SLC9C2: variants seen among roughly 807,000 people sequenced by gnomAD.
SLC9C2 encodes solute carrier family 9 member C2 (putative).
SLC9C2 carries 75 observed loss-of-function variants against 140.2 expected under a neutral mutation model. The ratio of observed to expected loss-of-function variants is 0.53; its 90% CI spans 0.44 to 0.65. The LOEUF (loss-of-function observed/expected upper bound fraction) is 0.65, where lower values mean the gene tolerates loss of function less well. Among genes scored for constraint, SLC9C2 ranks in the 30% least tolerant of loss-of-function variants. SLC9C2 has a pLI of 0.00. For synonymous variants in SLC9C2, 375 were observed against 420.9 expected, an observed-to-expected ratio of 0.89 and a Z score of 1.34; for missense variants, 1,074 against 1,331.8, an observed-to-expected ratio of 0.81 and a Z score of 3.01.
At chr1:173,559,380 G>C (rs550751362) in intron 9 of SLC9C2, among the ~76,000 whole-genome samples, 1 of 152,352 alleles carries the variant, frequency 6.6e-6, no homozygotes, top group East Asian at 1.9e-4. Flanking sequence ...TATTGATTTA[G>C]GTGTTTTGTG....
intron 14 of SLC9C2, 65 bp downstream of exon 14, chr1:173,536,872 CATTTT>C: frequency 9.3e-7 from 1 of 1,076,932 alleles, no homozygotes; most frequent in Admixed American, 1.8e-5. Context: ...ATTTAATTCT[CATTTT>C]ATTCATTCTT....
At chr1:173,544,671 A>G (rs1350238847) in intron 13 of SLC9C2, among the ~76,000 whole-genome samples, 14 of 152,168 alleles carry the variant, frequency 9.2e-5, no homozygotes, top group Admixed American at 7.9e-4. Flanking sequence ...GGAATACTAT[A>G]CAGCCATAAT....
chr1:173,502,926 G>A (rs12026993), intron 27 of SLC9C2, among the ~76,000 whole-genome samples: 29,903 of 152,042 alleles, frequency 0.2, 4,229 homozygotes, highest in East Asian at 0.64. Flanking sequence ...CCACACTCCA[G>A]AGGCAGAGCA....
chr1:173,534,620 C>T lies in SLC9C2; in HGVS notation c.1838G>A (p.Gly613Glu), dbSNP rs986352305. 1 of 1,566,040 alleles carries T rather than the reference C, an allele frequency of 6.4e-7. No individual in the cohort carries two copies. The highest frequency in any genetic ancestry group is 1.2e-5 in the South Asian group (1 of 82,354). ...IVFSEEFEYT[G>E]QIINLIYIYP... ...AATATATATCAAATTTATAATCTGT[C>T]CTGTATATTCAAATTCTTCAGAAAA... The change falls in exon 16 of 28, where the codon GGA (glycine) becomes GAA (glutamate). Residue 613 changes from glycine (G) to glutamate (E), a missense_variant. Coordinates refer to ENST00000367714, the MANE Select transcript of SLC9C2 (RefSeq NM_178527.4).
intron 23 of SLC9C2, among the ~76,000 whole-genome samples, chr1:173,516,473 C>A (rs537781911): frequency 6.6e-6 from 1 of 152,276 alleles, no homozygotes; most frequent in African/African-American, 2.4e-5. Context: ...CCACCCTCCA[C>A]CCTCCAATAG....
intron 13 of SLC9C2, among the ~76,000 whole-genome samples, chr1:173,544,606 C>G (rs1265700005): frequency 1.3e-5 from 2 of 152,116 alleles, no homozygotes; most frequent in African/African-American, 4.8e-5. Flanking sequence ...TGGAACCAAC[C>G]CATATGTCCA....
intron 24 of SLC9C2, among the ~76,000 whole-genome samples, chr1:173,508,236 G>A (rs1659791021): frequency 1.3e-5 from 2 of 151,126 alleles, no homozygotes; most frequent in African/African-American, 4.9e-5. Flanking sequence ...GATTTAGAGG[G>A]AAAAAAATCT....
chr1:173,550,810 G>A (rs535782426), intron 11 of SLC9C2, among the ~76,000 whole-genome samples: 49 of 149,862 alleles, frequency 3.3e-4, no homozygotes, highest in African/African-American at 1.1e-3. Context: ...TGTAGTCCCA[G>A]CTACTCTGGA....
chr1:173,547,563 C>T lies in SLC9C2; in HGVS notation c.1557+126G>A, dbSNP rs1052680888. The T allele has an allele frequency of 8.0e-6, 5 of 625,658 alleles. No homozygotes were observed. The African/African-American group carries it at 9.4e-5, about 12-fold the overall frequency. 38.8% of individuals were successfully genotyped at this position (625,658 alleles called of 1,614,324 possible). A position where few individuals can be genotyped will look rare whatever the true frequency, so the allele number is the denominator to read the frequency against. Reference sequence around the variant, plus strand: ...TTTATTTTTTAACTTTAACAAATCACACATTAATTTTAACAATCAATAGAC... The same window carrying T: ...TTTATTTTTTAACTTTAACAAATCATACATTAATTTTAACAATCAATAGAC... On this transcript the variant is annotated intron_variant, in intron 13 of 27. Transcript: ENST00000367714.
At chr1:173,571,078 G>A (rs1486231338) in intron 9 of SLC9C2, among the ~76,000 whole-genome samples, 1 of 152,168 alleles carries the variant, frequency 6.6e-6, no homozygotes, top group Non-Finnish European at 1.5e-5. Context: ...TGGTGTTCCT[G>A]CAGGGGGGTG....
intron 2 of SLC9C2, 108 bp downstream of exon 2, chr1:173,601,542 C>T (rs2102287606): frequency 4.0e-6 from 5 of 1,244,056 alleles, no homozygotes; most frequent in South Asian, 3.0e-5. Context: ...CATGTCTTAT[C>T]GTTTCAATGG....
intron 5 of SLC9C2, among the ~76,000 whole-genome samples, chr1:173,584,563 A>T (rs150665576): frequency 6.6e-6 from 1 of 152,162 alleles, no homozygotes; most frequent in Non-Finnish European, 1.5e-5. Context: ...TCTAAATACA[A>T]TGTGACTTTT....
chr1:173,592,125 T>C (rs1351639458), intron 4 of SLC9C2, among the ~76,000 whole-genome samples: 2 of 152,110 alleles, frequency 1.3e-5, no homozygotes, highest in Non-Finnish European at 2.9e-5. Flanking sequence ...GACTAGGGAG[T>C]CCTTTACCCA....
chr1:173,584,428 A>C (rs942621640), intron 5 of SLC9C2, among the ~76,000 whole-genome samples: 3 of 152,176 alleles, frequency 2.0e-5, no homozygotes, highest in African/African-American at 7.2e-5. Flanking sequence ...TTTGTAGTGC[A>C]GGCCTGCTGA....
At chr1:173,561,622 G>A (rs1416055937) in intron 9 of SLC9C2, among the ~76,000 whole-genome samples, 2 of 152,086 alleles carry the variant, frequency 1.3e-5, no homozygotes, top group Admixed American at 6.5e-5. Flanking sequence ...TCTCTCAGGA[G>A]TATGACTAAC....
At chr1:173,517,412 G>T in intron 23 of SLC9C2, 125 bp downstream of exon 23, 1 of 872,598 alleles carries the variant, frequency 1.1e-6, no homozygotes, top group Non-Finnish European at 1.7e-6. Context: ...TGCCTTTTCA[G>T]CTATGTTACC....
At chr1:173,546,516 G>T (rs1662859534) in intron 13 of SLC9C2, among the ~76,000 whole-genome samples, 1 of 152,226 alleles carries the variant, frequency 6.6e-6, no homozygotes, top group Non-Finnish European at 1.5e-5. Context: ...AGGAGGTGGA[G>T]GTTGCAGTGA....
intron 5 of SLC9C2, among the ~76,000 whole-genome samples, chr1:173,584,644 G>A (rs1665749305): frequency 6.6e-6 from 1 of 152,062 alleles, no homozygotes; most frequent in South Asian, 2.1e-4. Context: ...GTGCTTTTGT[G>A]TAGTCTTCTT....
intron 4 of SLC9C2, among the ~76,000 whole-genome samples, chr1:173,593,677 G>C (rs1053362699): frequency 2.0e-5 from 3 of 152,086 alleles, no homozygotes; most frequent in African/African-American, 7.2e-5. Context: ...AAGGAGTGGA[G>C]GAAAATCTAC....
Sources: allele counts gnomAD v4.1 joint callset (sites outside exome capture counted in the v4.1 genomes callset), GRCh38; gene constraint gnomAD v4.1.1; transcripts MANE v1.5; gene names NCBI Gene and HGNC (gene_info 2026-07-23, HGNC 2026-07-21).